Variants in PTPRM observed in about 807,000 individuals in gnomAD.
The protein encoded by PTPRM is protein tyrosine phosphatase receptor type M.
Under a neutral mutation model 186.7 loss-of-function variants are expected in PTPRM, and 47 were observed. The ratio of observed to expected loss-of-function variants is 0.25; its 90% CI spans 0.20 to 0.32. The LOEUF (loss-of-function observed/expected upper bound fraction) is 0.32. PTPRM is among the 10% of genes least tolerant of loss of function. PTPRM has a pLI of 1.00. For missense variants in PTPRM, 1,494 were observed against 1,865.0 expected (o/e 0.80, Z 3.66); for synonymous variants, 668 against 674.9 (o/e 0.99, Z 0.16).
chr18:8,018,271 C>A (rs2084998322), intron 7 of PTPRM, among the ~76,000 whole-genome samples: 2 of 152,092 alleles, frequency 1.3e-5, no homozygotes, highest in Admixed American at 6.5e-5. Flanking sequence ...CCAGCCTGGG[C>A]AACATAGAGT....
intron 2 of PTPRM, among the ~76,000 whole-genome samples, chr18:7,776,491 AT>A (rs1422783456): frequency 6.7e-6 from 1 of 150,320 alleles, no homozygotes; most frequent in Non-Finnish European, 1.5e-5. Flanking sequence ...AGAACTGAAA[AT>A]ACAGTTTTTC....
intron 7 of PTPRM, among the ~76,000 whole-genome samples, chr18:8,033,959 C>T (rs769027408): frequency 3.9e-5 from 6 of 152,110 alleles, no homozygotes; most frequent in Non-Finnish European, 5.9e-5. Context: ...GTTCTTGCCA[C>T]GTGCTGGTTC....
intron 14 of PTPRM, among the ~76,000 whole-genome samples, chr18:8,216,424 A>G (rs940614217): frequency 1.3e-5 from 2 of 152,248 alleles, no homozygotes; most frequent in Admixed American, 6.5e-5. Flanking sequence ...TCATATCTAC[A>G]TATAACAGTA....
intron 19 of PTPRM, among the ~76,000 whole-genome samples, chr18:8,268,437 A>G (rs8087935): frequency 0.092 from 13,984 of 152,202 alleles, 691 homozygotes; most frequent in Middle Eastern, 0.17. Context: ...TCACTAATCA[A>G]AAATCTCCCA....
At chr18:7,689,602 T>C (rs1463728184) in intron 1 of PTPRM, among the ~76,000 whole-genome samples, 1 of 152,208 alleles carries the variant, frequency 6.6e-6, no homozygotes, top group African/African-American at 2.4e-5. Context: ...GTAACCAGAA[T>C]GTTCATGTGT....
At chr18:8,207,969 CA>C (rs2093952723) in intron 14 of PTPRM, among the ~76,000 whole-genome samples, 1 of 152,164 alleles carries the variant, frequency 6.6e-6, no homozygotes, top group Admixed American at 6.5e-5. Flanking sequence ...AACAAATATT[CA>C]GAAATTACGT....
At chr18:8,182,953 T>G (rs1223127888) in intron 14 of PTPRM, among the ~76,000 whole-genome samples, 2 of 152,280 alleles carry the variant, frequency 1.3e-5, no homozygotes, top group Non-Finnish European at 2.9e-5. Context: ...CTATGTGCGT[T>G]TCATAGCCCA....
chr18:7,855,282 G>A (rs950197196), intron 2 of PTPRM, among the ~76,000 whole-genome samples: 1 of 152,216 alleles, frequency 6.6e-6, no homozygotes, highest in Non-Finnish European at 1.5e-5. Flanking sequence ...CTGGCATGTA[G>A]TGATTAAGGA....
intron 19 of PTPRM, among the ~76,000 whole-genome samples, chr18:8,280,712 G>A (rs1481684931): frequency 2.0e-5 from 3 of 152,192 alleles, no homozygotes; most frequent in Non-Finnish European, 4.4e-5. Flanking sequence ...ATCAGGCAGT[G>A]CAGACTAGAA....
chr18:8,070,006 T>C lies in PTPRM; in HGVS notation c.1441+12T>C. ...GACAGATGAAGACCGTGAGTACCTT[T>C]GAATGATATGTTTGTGTAAAACATG... is the stretch of plus-strand genomic sequence containing the variant. On this transcript the variant is annotated intron_variant, in intron 8 of 32. Transcript: ENST00000580170. The C allele has an allele frequency of 6.3e-7, 1 of 1,599,052 alleles. No individual in the cohort carries two copies. The highest frequency in any genetic ancestry group is 2.2e-5 in the East Asian group (1 of 44,688).
chr18:7,987,239 C>A (rs189368906), intron 7 of PTPRM, among the ~76,000 whole-genome samples: 4 of 152,230 alleles, frequency 2.6e-5, no homozygotes, highest in African/African-American at 7.2e-5. Flanking sequence ...TTTATGTAAA[C>A]CCTTGGTCAG....
At chr18:7,603,181 G>A (rs563941313) in intron 1 of PTPRM, among the ~76,000 whole-genome samples, 1 of 152,036 alleles carries the variant, frequency 6.6e-6, no homozygotes, top group Admixed American at 6.6e-5. Flanking sequence ...GCCTGCCTTG[G>A]CCTCCCAAAG....
chr18:7,719,417 G>C (rs1223183396), intron 1 of PTPRM, among the ~76,000 whole-genome samples: 2 of 152,048 alleles, frequency 1.3e-5, no homozygotes, highest in Non-Finnish European at 2.9e-5. Context: ...GATAAAAGAT[G>C]ACATATTGGG....
chr18:8,056,004 A>G (rs922374547), intron 7 of PTPRM, among the ~76,000 whole-genome samples: 2 of 152,192 alleles, frequency 1.3e-5, no homozygotes. Flanking sequence ...ATCCTACGCA[A>G]TTAAAAAAAT....
intron 1 of PTPRM, among the ~76,000 whole-genome samples, chr18:7,773,800 G>A (rs1826731378): frequency 2.6e-5 from 4 of 151,984 alleles, no homozygotes; most frequent in Admixed American, 1.3e-4. Context: ...GGCTGGCCTC[G>A]AACTCCTGAC....
At chr18:8,259,146 G>T (rs946208456) in intron 19 of PTPRM, among the ~76,000 whole-genome samples, 5 of 151,854 alleles carry the variant, frequency 3.3e-5, no homozygotes, top group Non-Finnish European at 7.4e-5. Flanking sequence ...ATGGATTTTC[G>T]CCATGTTACC....
At chr18:8,230,425 C>G (rs1274768455) in intron 14 of PTPRM, among the ~76,000 whole-genome samples, 4 of 152,184 alleles carry the variant, frequency 2.6e-5, no homozygotes, top group Non-Finnish European at 4.4e-5. Context: ...CAGACATAAG[C>G]AACCATAAGT....
chr18:7,862,280 A>T (rs1457843670), intron 2 of PTPRM, among the ~76,000 whole-genome samples: 1 of 152,192 alleles, frequency 6.6e-6, no homozygotes, highest in African/African-American at 2.4e-5. Context: ...TCACTCAGGT[A>T]ATTTTAAAGT....
chr18:8,157,475 A>T (rs1026580388), intron 14 of PTPRM, among the ~76,000 whole-genome samples: 11 of 152,324 alleles, frequency 7.2e-5, no homozygotes, highest in African/African-American at 2.4e-4. Flanking sequence ...TTGTACCCAA[A>T]GAAACACACG....
Sources: gnomAD v4.1 joint callset for allele counts (sites outside exome capture counted in the v4.1 genomes callset) on GRCh38, gnomAD v4.1.1 for gene constraint, MANE v1.5 for transcripts, NCBI Gene and HGNC (gene_info 2026-07-23, HGNC 2026-07-21) for gene names.